Variants in CKMT1B observed in about 807,000 individuals in gnomAD.
CKMT1B encodes the protein creatine kinase U-type, mitochondrial.
In CKMT1B, 13 loss-of-function variants were observed where a neutral mutation model predicts 21.8. The ratio of observed to expected loss-of-function variants is 0.60; its 90% CI spans 0.39 to 0.95. The LOEUF (loss-of-function observed/expected upper bound fraction) is 0.95. Ranked by LOEUF, CKMT1B falls within the 40% of genes least tolerant of loss-of-function variation. The probability of loss-of-function intolerance (pLI) is 0.00; values close to 1 mark genes in which losing one functional copy is unlikely to be tolerated. For synonymous variants in CKMT1B, 50 were observed against 80.3 expected, an observed-to-expected ratio of 0.62 and a Z score of 2.02; for missense variants, 157 against 227.5, an observed-to-expected ratio of 0.69 and a Z score of 1.99.
At position 43,598,201 on chromosome 15, in the gene CKMT1B, A is replaced by T. The variant is rs1436567535; in HGVS notation, c.885A>T (p.Arg295Ser). 2 of 1,608,602 alleles carry T rather than the reference A, an allele frequency of 1.2e-6. No individual in the cohort carries two copies. Among genetic ancestry groups the T allele is most frequent in the African/African-American group, 1.4e-5 (1 of 71,906 alleles). ...RFCRGLKEVE[R>S]LIQERGWEFM... is the part of the protein sequence containing the mutation. ...AACCTTTGTGGACTCAGGTGGAGAG[A>T]CTTATCCAAGAACGTGGCTGGGAGT... Residue 295 changes from arginine to serine, a missense_variant, in exon 7 of 9, where the codon AGA (arginine) becomes AGT (serine). Arg to Ser is a moderately radical substitution (Grantham distance 110). Coordinates refer to ENST00000441322, the MANE Select transcript of CKMT1B (RefSeq NM_001375484.1).
intron 6 of CKMT1B, chr15:43,597,536 T>G: frequency 8.5e-7 from 1 of 1,174,938 alleles, no homozygotes; most frequent in Non-Finnish European, 1.1e-6. Flanking sequence ...TTCTGAACTA[T>G]AAAGAGGATC....
chr15:43,599,051 A>G, intron 8 of CKMT1B, 99 bp downstream of exon 8: 4 of 1,587,544 alleles, frequency 2.5e-6, no homozygotes, highest in South Asian at 1.1e-5. Flanking sequence ...ATCTGAAATG[A>G]AATTCAGGTT....
At chr15:43,598,776 A>G in intron 7 of CKMT1B, 51 bp from the exon 8 acceptor site, 5 of 1,559,754 alleles carry the variant, frequency 3.2e-6, no homozygotes, top group Non-Finnish European at 4.3e-6. Context: ...TTCAGGTAGG[A>G]CTAGTCTCTG....
chr15:43,599,073 C>A, intron 8 of CKMT1B, 84 bp from the exon 9 acceptor site: 6 of 1,581,798 alleles, frequency 3.8e-6, no homozygotes, highest in South Asian at 1.1e-5. Context: ...AGTGGGGAGG[C>A]AATTGGAAAT....
chr15:43,599,100 C>T, intron 8 of CKMT1B, 57 bp from the exon 9 acceptor site: 2 of 1,604,628 alleles, frequency 1.2e-6, no homozygotes, highest in East Asian at 4.5e-5. Context: ...GCAAGTCAGT[C>T]AGTGATAAAG....
In CKMT1B at chr15:43,599,168, G is replaced by A. The variant is rs749087123; in HGVS notation, c.1149G>A (p.Val383=). 6.2e-6 allele frequency: 10 copies of A among 1,613,746 alleles called. No individual in the cohort carries two copies. The highest frequency in any genetic ancestry group is 4.4e-5 in the South Asian group (4 of 91,056). The part of the protein sequence containing the change: ...DRLGKSEVEL[V]QLVIDGVNYL... ...TTAGTGTCCCTTAGGTGGAGCTGGTGCAACTGGTCATCGATGGAGTAAACT... is the reference window on the plus strand; with the variant it reads ...TTAGTGTCCCTTAGGTGGAGCTGGTACAACTGGTCATCGATGGAGTAAACT... The change falls in exon 9 of 9, where the codon GTG becomes GTA. Residue 383 remains valine (V), a synonymous_variant. Coordinates refer to ENST00000441322, the MANE Select transcript of CKMT1B (RefSeq NM_001375484.1).
chr15:43,597,033 G>C lies in CKMT1B; in HGVS notation c.876+502G>C, dbSNP rs890603172. ...GTTGAGAGTTCGGAGAGAGACTGGG[G>C]AAGGTGGAGGATAGAATGGTTCAAG... On this transcript the variant is annotated intron_variant, in intron 6 of 8. Transcript: ENST00000441322. Among the ~76,000 whole-genome samples, 2 of 148,536 alleles carry C rather than the reference G, an allele frequency of 1.3e-5. 1 individual carries two copies. The highest frequency in any genetic ancestry group is 5.2e-5 in the African/African-American group (2 of 38,578).
rs2141515734 is a variant in CKMT1B at position 43,599,162 on chromosome 15, G to T, written c.1143G>T (p.Glu381Asp). ...CAAAGATTAGTGTCCCTTAGGTGGA[G>T]CTGGTGCAACTGGTCATCGATGGAG... is the stretch of plus-strand genomic sequence containing the variant. The part of the protein sequence containing the change: ...NLDRLGKSEV[E>D]LVQLVIDGVN... The change falls in exon 9 of 9, where the codon GAG (glutamate) becomes GAT (aspartate). Residue 381 changes from glutamate to aspartate, a missense_variant. Transcript: ENST00000441322. 6.2e-7 allele frequency: 1 copy of T among 1,613,744 alleles called. No homozygotes were observed. The highest frequency in any genetic ancestry group is 2.2e-5 in the East Asian group (1 of 44,866).
At position 43,595,860 on chromosome 15, in the gene CKMT1B, G is replaced by A. The variant is rs1163020117; in HGVS notation, c.449G>A (p.Arg150His). ...TTCATTTCCCTTATCTCCCAGATCC[G>A]TTCTGGCTACTTTGATGAGAGGTAT... ...HTTDLDASKI[R>H]SGYFDERYVL... Residue 150 changes from arginine to histidine, a missense_variant, in exon 4 of 9, where the codon CGT becomes CAT. Coordinates refer to ENST00000441322, the MANE Select transcript of CKMT1B (RefSeq NM_001375484.1). The A allele has an allele frequency of 2.4e-5, 1 of 40,992 alleles. No homozygotes were observed. The highest frequency in any genetic ancestry group is 2.3e-4 in the South Asian group (1 of 4,438). 2.5% of individuals were successfully genotyped at this position (40,992 alleles called of 1,614,324 possible).
At chr15:43,598,168 G>C (rs114182260) in intron 6 of CKMT1B, 25 bp from the exon 7 acceptor site, 3 of 1,608,366 alleles carry the variant, frequency 1.9e-6, no homozygotes, top group Non-Finnish European at 2.5e-6. Context: ...CTGATTTTTC[G>C]TTAACAAAAC....
intron 7 of CKMT1B, 118 bp downstream of exon 7, chr15:43,598,445 A>G: frequency 1.4e-6 from 2 of 1,479,748 alleles, no homozygotes; most frequent in East Asian, 2.4e-5. Context: ...GTCAGAGGAC[A>G]GGCCAGGCAC....
Position 43,599,293 on chromosome 15 carries a change from G to A in CKMT1B, c.*20G>A. On this transcript the variant is annotated 3_prime_UTR_variant, in exon 9 of 9. Coordinates refer to ENST00000441322, the MANE Select transcript of CKMT1B (RefSeq NM_001375484.1). ...CATTAACTCCCCATCGCCAGCTGATGACTCAAGATTCCCAGGAGTTCTGCT... is the reference window on the plus strand; with the variant it reads ...CATTAACTCCCCATCGCCAGCTGATAACTCAAGATTCCCAGGAGTTCTGCT... 12 of 1,613,590 alleles carry A rather than the reference G, an allele frequency of 7.4e-6. No homozygotes were observed. The highest frequency in any genetic ancestry group is 1.0e-5 in the Non-Finnish European group (12 of 1,179,808).
rs993302901 is a variant in CKMT1B at position 43,597,263 on chromosome 15, G to T, written c.876+732G>T. The T allele has an allele frequency of 5.4e-5, 19 of 350,498 alleles. 1 individual carries two copies. The highest frequency in any genetic ancestry group is 1.3e-4 in the African/African-American group (5 of 38,488). 21.7% of individuals were successfully genotyped at this position (350,498 alleles called of 1,614,324 possible). The stretch of plus-strand genomic sequence containing the variant: ...TTCTGAGAAGTTTCTACTATTTTTG[G>T]CAAGTAATAGATAACATATTCTGAC... On this transcript the variant is annotated intron_variant, in intron 6 of 8. Transcript: ENST00000441322.
Position 43,596,841 on chromosome 15 carries a change from T to C in CKMT1B, c.876+310T>C, listed in dbSNP as rs2085578128. 2.7e-5 allele frequency among the ~76,000 whole-genome samples: 4 copies of C among 149,122 alleles called. No homozygotes were observed. In the South Asian group the frequency reaches 8.3e-4, roughly 31 times the overall value. On this transcript the variant is annotated intron_variant, in intron 6 of 8. Transcript: ENST00000441322. ...ACGTCAGTGCCTGGGATGTGTGCAG[T>C]GGGATGGTGAGGTGTGCAGATAAGG...
intron 6 of CKMT1B, chr15:43,597,773 G>A: frequency 5.0e-6 from 5 of 1,001,532 alleles, no homozygotes; most frequent in Non-Finnish European, 6.1e-6. Context: ...ACCTCTTCCT[G>A]GCAAAGCTTA....
intron 6 of CKMT1B, chr15:43,597,614 TA>T: frequency 1.1e-6 from 1 of 924,550 alleles, no homozygotes; most frequent in Non-Finnish European, 1.4e-6. Flanking sequence ...TCTTGAACTC[TA>T]ATAGTCATCT....
intron 6 of CKMT1B, chr15:43,597,727 C>A: frequency 9.8e-7 from 1 of 1,024,338 alleles, no homozygotes; most frequent in Non-Finnish European, 1.2e-6. Context: ...TGCATTCACA[C>A]AGGTGCTCCG....
At chr15:43,598,084 G>C (rs2085604804) in intron 6 of CKMT1B, 109 bp from the exon 7 acceptor site, 1 of 1,496,494 alleles carries the variant, frequency 6.7e-7, no homozygotes, top group Middle Eastern at 1.8e-4. Context: ...TCACAGCCAA[G>C]TTTCTGTTCT....
chr15:43,598,018 A>G (rs2085603180), intron 6 of CKMT1B, 175 bp from the exon 7 acceptor site: 11 of 1,393,006 alleles, frequency 7.9e-6, no homozygotes, highest in African/African-American at 1.5e-5. Flanking sequence ...TGCATCATGC[A>G]TGCATGAAAA....
Sources: allele counts gnomAD v4.1 joint callset (sites outside exome capture counted in the v4.1 genomes callset), GRCh38; gene constraint gnomAD v4.1.1; transcripts MANE v1.5; gene names NCBI Gene and HGNC (gene_info 2026-07-23, HGNC 2026-07-21).